The following NRXN1 variants were observed in gnomAD, a reference collection of about 807,000 sequenced individuals.
The protein encoded by NRXN1 is neurexin 1.
NRXN1 carries 39 observed loss-of-function variants against 150.9 expected under a neutral mutation model. The observed-to-expected ratio is 0.26, with a 90% CI of 0.20 to 0.34. The LOEUF (loss-of-function observed/expected upper bound fraction) is 0.34, where lower values mean the gene tolerates loss of function less well. Among genes scored for constraint, NRXN1 ranks in the 10% least tolerant of loss-of-function variants. NRXN1 has a pLI of 1.00. For synonymous variants in NRXN1, 924 were observed against 757.0 expected, an observed-to-expected ratio of 1.22 and a Z score of -3.62; for missense variants, 1,815 against 1,949.9, an observed-to-expected ratio of 0.93 and a Z score of 1.30.
chr2:50,635,888 T>G (rs1476624261), intron 5 of NRXN1, among the ~76,000 whole-genome samples: 1 of 152,202 alleles, frequency 6.6e-6, no homozygotes, highest in Admixed American at 6.5e-5. Flanking sequence ...GCTACTTAAA[T>G]TCTTTTCTTT....
chr2:50,759,666 G>T (rs563718691), intron 5 of NRXN1, among the ~76,000 whole-genome samples: 2 of 152,010 alleles, frequency 1.3e-5, no homozygotes, highest in African/African-American at 2.4e-5. Context: ...AGAATAAACT[G>T]TTACGGTCTA....
chr2:50,821,570 C>T (rs1478831376), intron 5 of NRXN1, among the ~76,000 whole-genome samples: 1 of 152,078 alleles, frequency 6.6e-6, no homozygotes, highest in Non-Finnish European at 1.5e-5. Context: ...ATAGAATAAG[C>T]ACCATAGAAG....
intron 5 of NRXN1, among the ~76,000 whole-genome samples, chr2:50,843,637 AC>A (rs1673195023): frequency 6.6e-6 from 1 of 152,154 alleles, no homozygotes; most frequent in Non-Finnish European, 1.5e-5. Flanking sequence ...AACTGAAACT[AC>A]CTATCCGCCA....
intron 17 of NRXN1, among the ~76,000 whole-genome samples, chr2:50,271,364 G>A (rs976956785): frequency 6.6e-6 from 1 of 152,174 alleles, no homozygotes; most frequent in Non-Finnish European, 1.5e-5. Context: ...GGAAAAACCA[G>A]TGATAATTGT....
chr2:50,729,830 G>T (rs1427580127), intron 5 of NRXN1, among the ~76,000 whole-genome samples: 1 of 152,254 alleles, frequency 6.6e-6, no homozygotes, highest in East Asian at 1.9e-4. Context: ...CTTCAGGTTT[G>T]GTTTCGAAAG....
intron 19 of NRXN1, among the ~76,000 whole-genome samples, chr2:50,065,506 G>A (rs1159118653): frequency 6.6e-6 from 1 of 152,032 alleles, no homozygotes; most frequent in African/African-American, 2.4e-5. Context: ...GGGTGAGATC[G>A]CCCTTATGGA....
intron 21 of NRXN1, among the ~76,000 whole-genome samples, chr2:50,045,180 A>G (rs1306473154): frequency 2.3e-5 from 3 of 130,502 alleles, no homozygotes; most frequent in Admixed American, 8.0e-5. Context: ...AACAACAACA[A>G]CAACAAAACT....
At chr2:50,752,849 C>T (rs1035486983) in intron 5 of NRXN1, among the ~76,000 whole-genome samples, 17 of 151,866 alleles carry the variant, frequency 1.1e-4, no homozygotes, top group African/African-American at 3.9e-4. Flanking sequence ...GGTGATTTCC[C>T]GTTCTCTGCA....
intron 2 of NRXN1, among the ~76,000 whole-genome samples, chr2:50,995,125 C>G (rs553432756): frequency 6.6e-6 from 1 of 151,972 alleles, no homozygotes; most frequent in African/African-American, 2.4e-5. Context: ...TCAGAGAGAA[C>G]TGCATTGCTT....
intron 8 of NRXN1, among the ~76,000 whole-genome samples, chr2:50,593,105 T>C (rs1573697245): frequency 6.6e-6 from 1 of 152,248 alleles, no homozygotes; most frequent in Non-Finnish European, 1.5e-5. Context: ...GATCAGAGTC[T>C]GTAGTTTTTG....
intron 17 of NRXN1, among the ~76,000 whole-genome samples, chr2:50,334,320 G>A (rs1459868031): frequency 1.3e-5 from 2 of 151,468 alleles, no homozygotes; most frequent in East Asian, 3.9e-4. Context: ...GCATTTGTCT[G>A]GAATTACTAA....
intron 18 of NRXN1, among the ~76,000 whole-genome samples, chr2:50,208,422 G>C (rs1241954568): frequency 6.6e-6 from 1 of 152,096 alleles, no homozygotes; most frequent in East Asian, 1.9e-4. Context: ...TACAGTTCCG[G>C]TCTCCCTCCT....
chr2:50,619,928 T>G, intron 8 of NRXN1, 94 bp downstream of exon 8: 1 of 1,171,706 alleles, frequency 8.5e-7, no homozygotes, highest in Non-Finnish European at 1.2e-6. Context: ...CGTTTGACTC[T>G]GGAACATCGG....
intron 20 of NRXN1, 108 bp from the exon 21 acceptor site, chr2:50,053,698 T>C: frequency 9.0e-7 from 1 of 1,106,552 alleles, no homozygotes. Flanking sequence ...AGCAATAAAC[T>C]ATAAGAGAGG....
At chr2:50,168,066 C>G (rs780424811) in intron 18 of NRXN1, among the ~76,000 whole-genome samples, 1 of 151,756 alleles carries the variant, frequency 6.6e-6, no homozygotes, top group Non-Finnish European at 1.5e-5. Context: ...TGCAATGCAG[C>G]AATATCTTGT....
At chr2:50,266,318 A>G (rs930703345) in intron 17 of NRXN1, among the ~76,000 whole-genome samples, 1 of 150,024 alleles carries the variant, frequency 6.7e-6, no homozygotes, top group Non-Finnish European at 1.5e-5. Flanking sequence ...TTTTGAGATC[A>G]CTTGACTCCA....
At chr2:50,525,594 T>C (rs958751803) in intron 12 of NRXN1, among the ~76,000 whole-genome samples, 1 of 152,240 alleles carries the variant, frequency 6.6e-6, no homozygotes, top group African/African-American at 2.4e-5. Flanking sequence ...TATAAGCTAA[T>C]GAGCATCAAT....
Position 50,122,814 on chromosome 2 carries a change from G to C in NRXN1, c.3547-31320C>G, listed in dbSNP as rs544251050. ...ATAAATTATCAAGTAATCAGGCCTAGTTATGCGATTCCCAGCTTTCAATAC... is the reference window on the plus strand; with the variant it reads ...ATAAATTATCAAGTAATCAGGCCTACTTATGCGATTCCCAGCTTTCAATAC... On this transcript the variant is annotated intron_variant, in intron 18 of 22. Coordinates refer to ENST00000401669, the MANE Select transcript of NRXN1 (RefSeq NM_001330078.2). Among the ~76,000 whole-genome samples, 5 of 152,278 alleles carry C rather than the reference G, an allele frequency of 3.3e-5. No individual in the cohort carries two copies. In the South Asian group the frequency reaches 1.0e-3, roughly 32 times the overall value.
At chr2:50,275,469 C>T (rs575432512) in intron 17 of NRXN1, among the ~76,000 whole-genome samples, 6 of 151,934 alleles carry the variant, frequency 3.9e-5, no homozygotes, top group African/African-American at 1.4e-4. Context: ...TTTTTTAGAA[C>T]TCTTGTTTTT....
Sources: allele counts gnomAD v4.1 joint callset (sites outside exome capture counted in the v4.1 genomes callset), GRCh38; gene constraint gnomAD v4.1.1; transcripts MANE v1.5; gene names NCBI Gene and HGNC (gene_info 2026-07-23, HGNC 2026-07-21).